GALNT17: variants seen among roughly 807,000 people sequenced by gnomAD.
GALNT17 encodes the protein UDP-GalNAc:polypeptide N-acetylgalactosaminyltransferase-like 3.
In GALNT17, 29 loss-of-function variants were observed where a neutral mutation model predicts 63.7. The observed-to-expected ratio is 0.46, with a 90% CI of 0.34 to 0.62. The LOEUF is 0.62. GALNT17 is among the 20% of genes least tolerant of loss of function. GALNT17 has a pLI of 0.01. For synonymous variants in GALNT17, 305 were observed against 318.3 expected, an observed-to-expected ratio of 0.96 and a Z score of 0.45; for missense variants, 603 against 799.6, an observed-to-expected ratio of 0.75 and a Z score of 2.97.
intron 5 of GALNT17, among the ~76,000 whole-genome samples, chr7:71,441,044 G>A (rs867295747): frequency 2.7e-5 from 4 of 150,880 alleles, no homozygotes; most frequent in African/African-American, 9.8e-5. Flanking sequence ...TTTTTTTGGA[G>A]ATGGATTCTT....
At chr7:71,252,286 T>A (rs1309825854) in intron 1 of GALNT17, among the ~76,000 whole-genome samples, 1 of 150,248 alleles carries the variant, frequency 6.7e-6, no homozygotes. Context: ...CAGCACTTTG[T>A]GAGGCTGAGG....
At chr7:71,428,468 C>T (rs971658889) in intron 5 of GALNT17, among the ~76,000 whole-genome samples, 2 of 151,990 alleles carry the variant, frequency 1.3e-5, no homozygotes, top group African/African-American at 4.8e-5. Context: ...GAGACAGAAT[C>T]TCTCCCTGTC....
chr7:71,207,455 T>C (rs1789293792), intron 1 of GALNT17, among the ~76,000 whole-genome samples: 1 of 152,220 alleles, frequency 6.6e-6, no homozygotes, highest in African/African-American at 2.4e-5. Flanking sequence ...TTGTCTTTTA[T>C]AGTGATGTGG....
At chr7:71,214,707 A>G (rs1266605583) in intron 1 of GALNT17, among the ~76,000 whole-genome samples, 2 of 151,574 alleles carry the variant, frequency 1.3e-5, no homozygotes, top group African/African-American at 2.4e-5. Flanking sequence ...CCTCCTGAGT[A>G]GCTTGGATTA....
chr7:71,471,496 T>A lies in GALNT17; in HGVS notation c.962+50391T>A, dbSNP rs140803629. On this transcript the variant is annotated intron_variant, in intron 5 of 10. Coordinates refer to ENST00000333538, the MANE Select transcript of GALNT17 (RefSeq NM_022479.3). ...TTCTATAGGCAATTAATGCAAGAGA[T>A]CCTAGGGAAGGCTGTGTCACAAGCC... Among the ~76,000 whole-genome samples the A allele has an allele frequency of 2.0e-3, 308 of 151,384 alleles. 10 individuals are homozygous for A. The highest frequency in any genetic ancestry group is 1.6e-4 in the Non-Finnish European group (11 of 67,956).
At position 71,299,556 on chromosome 7, in the gene GALNT17, C is replaced by T. The variant is rs994483525; in HGVS notation, c.239-35994C>T. Among the ~76,000 whole-genome samples, 5 of 152,140 alleles carry T rather than the reference C, an allele frequency of 3.3e-5. 1 individual carries two copies. The highest frequency in any genetic ancestry group is 2.9e-5 in the Non-Finnish European group (2 of 68,032). On this transcript the variant is annotated intron_variant, in intron 1 of 10. Coordinates refer to ENST00000333538, the MANE Select transcript of GALNT17 (RefSeq NM_022479.3). ...TTTTCAGTTTTCATTCTGGAGGTATCGGACAGGTGTCTGCTGTGTGCACGT... is the reference window on the plus strand; with the variant it reads ...TTTTCAGTTTTCATTCTGGAGGTATTGGACAGGTGTCTGCTGTGTGCACGT...
intron 5 of GALNT17, among the ~76,000 whole-genome samples, chr7:71,496,801 G>A (rs866198277): frequency 2.6e-5 from 4 of 152,070 alleles, no homozygotes; most frequent in Non-Finnish European, 5.9e-5. Flanking sequence ...AGCGGGGGGC[G>A]GAGCACTTAC....
chr7:71,563,025 C>T (rs979259714), intron 5 of GALNT17, among the ~76,000 whole-genome samples: 1 of 152,210 alleles, frequency 6.6e-6, no homozygotes, highest in Non-Finnish European at 1.5e-5. Flanking sequence ...CCACCCTCTT[C>T]TCACTGTCTA....
intron 9 of GALNT17, among the ~76,000 whole-genome samples, chr7:71,683,678 TC>T (rs1177228986): frequency 6.6e-6 from 1 of 152,184 alleles, no homozygotes; most frequent in African/African-American, 2.4e-5. Flanking sequence ...TAGACAAACA[TC>T]CGCTTCTTTT....
At chr7:71,661,031 G>A (rs1224831744) in intron 6 of GALNT17, among the ~76,000 whole-genome samples, 3 of 152,204 alleles carry the variant, frequency 2.0e-5, no homozygotes, top group Non-Finnish European at 4.4e-5. Flanking sequence ...TGGTGCCACT[G>A]CAGATCCATG....
intron 6 of GALNT17, among the ~76,000 whole-genome samples, chr7:71,603,084 A>G (rs1789990463): frequency 6.6e-6 from 1 of 152,074 alleles, no homozygotes; most frequent in Admixed American, 6.6e-5. Flanking sequence ...TGCATACACC[A>G]GGTACTATGC....
At chr7:71,516,208 T>TAC (rs765572701) in intron 5 of GALNT17, among the ~76,000 whole-genome samples, 12 of 152,024 alleles carry the variant, frequency 7.9e-5, no homozygotes, top group Non-Finnish European at 1.8e-4. Flanking sequence ...TTTGGGGAGA[T>TAC]AAGTAACCTA....
intron 6 of GALNT17, among the ~76,000 whole-genome samples, chr7:71,663,722 C>T (rs78043698): frequency 0.021 from 3,173 of 152,224 alleles, 80 homozygotes; most frequent in East Asian, 0.1. Context: ...ACATCATACA[C>T]GCAAAACAAA....
chr7:71,156,689 C>CCTCTCTGT (rs1372719432), intron 1 of GALNT17, among the ~76,000 whole-genome samples: 1 of 136,774 alleles, frequency 7.3e-6, no homozygotes, highest in African/African-American at 2.7e-5. Flanking sequence ...TCCCTTCCTT[C>CCTCTCTGT]CTCTCTGTCT....
intron 1 of GALNT17, among the ~76,000 whole-genome samples, chr7:71,247,375 G>A (rs1014318795): frequency 5.3e-5 from 8 of 152,088 alleles, no homozygotes; most frequent in Admixed American, 3.9e-4. Flanking sequence ...AACGATGCAG[G>A]GGTTAGAGGT....
chr7:71,686,953 C>T (rs962106260), intron 9 of GALNT17, among the ~76,000 whole-genome samples: 3 of 152,186 alleles, frequency 2.0e-5, no homozygotes, highest in East Asian at 3.9e-4. Context: ...ATGAGATGTT[C>T]GTAAGATGAG....
At chr7:71,247,850 C>A (rs546771435) in intron 1 of GALNT17, among the ~76,000 whole-genome samples, 2 of 152,202 alleles carry the variant, frequency 1.3e-5, no homozygotes, top group South Asian at 2.1e-4. Context: ...CATATTCTTA[C>A]AATAAAGGCG....
At chr7:71,561,930 TA>T (rs1393803927) in intron 5 of GALNT17, among the ~76,000 whole-genome samples, 1 of 151,910 alleles carries the variant, frequency 6.6e-6, no homozygotes, top group African/African-American at 2.4e-5. Flanking sequence ...ATTTACAGGC[TA>T]TGGATCAGCA....
intron 6 of GALNT17, among the ~76,000 whole-genome samples, chr7:71,605,725 C>T (rs1033110099): frequency 1.3e-5 from 2 of 152,134 alleles, no homozygotes; most frequent in African/African-American, 4.8e-5. Flanking sequence ...GAGAAGAGGA[C>T]TCCAGGGTGC....
Sources: allele counts gnomAD v4.1 joint callset (sites outside exome capture counted in the v4.1 genomes callset), GRCh38; gene constraint gnomAD v4.1.1; transcripts MANE v1.5; gene names NCBI Gene and HGNC (gene_info 2026-07-23, HGNC 2026-07-21).